KLHL29: variants seen among roughly 807,000 people sequenced by gnomAD.
KLHL29 encodes the protein kelch like family member 29, also known as kelch-like protein 29.
A neutral mutation model predicts 80.4 loss-of-function variants in KLHL29; 21 were observed. The ratio of observed to expected loss-of-function variants is 0.26; its 90% CI spans 0.19 to 0.38. The LOEUF (loss-of-function observed/expected upper bound fraction) is 0.38, where lower values mean the gene tolerates loss of function less well. Among genes scored for constraint, KLHL29 ranks in the 10% least tolerant of loss-of-function variants. The pLI, the probability that KLHL29 is intolerant of heterozygous loss-of-function variation, is 1.00. For synonymous variants in KLHL29, 511 were observed against 526.8 expected, an observed-to-expected ratio of 0.97 and a Z score of 0.41; for missense variants, 867 against 1,223.9, an observed-to-expected ratio of 0.71 and a Z score of 4.35.
rs1186624082 is a variant in KLHL29 at position 23,642,510 on chromosome 2, G to A, written c.600G>A (p.Met200Ile). ...ACGTGGGGCCCCAGCTCCCGCTGAT[G>A]CCAGGCCACTACTCGCTCCCTCAGC... ...PPHVGPQLPL[M>I]PGHYSLPQPP... is the part of the protein sequence containing the mutation. The change falls in exon 5 of 14, where the codon ATG (methionine) becomes ATA (isoleucine). Residue 200 changes from methionine to isoleucine, a missense_variant. By Grantham distance (10) the Met-to-Ile change is conservative. Around this residue, in one of 2 missense-constraint regions of KLHL29, gnomAD observed 424 missense variants for 456.9 expected, o/e 0.93. Transcript: ENST00000486442. 1 of 1,526,802 alleles carries A rather than the reference G, an allele frequency of 6.5e-7. No individual in the cohort carries two copies. Among genetic ancestry groups the A allele is most frequent in the Non-Finnish European group, 8.8e-7 (1 of 1,130,144 alleles). 94.6% of individuals were successfully genotyped at this position (1,526,802 alleles called of 1,614,324 possible).
intron 1 of KLHL29, among the ~76,000 whole-genome samples, chr2:23,398,664 A>G (rs1329423709): frequency 1.3e-5 from 2 of 152,242 alleles, no homozygotes; most frequent in African/African-American, 2.4e-5. Flanking sequence ...CCCTTGGGCC[A>G]TGTCTCTTTC....
rs201063077 is a variant in KLHL29, at chr2:23,597,402, TATATA to T, written c.285+34922_285+34926del. Among the ~76,000 whole-genome samples the T allele has an allele frequency of 2.2e-3, 119 of 55,266 alleles. 3 individuals are homozygous for T. The highest frequency in any genetic ancestry group is 3.9e-3 in the East Asian group (8 of 2,054). 36.3% of individuals were successfully genotyped at this position (55,266 alleles called of 152,430 possible). On this transcript the variant is annotated intron_variant, in intron 3 of 13. Coordinates refer to ENST00000486442, the MANE Select transcript of KLHL29 (RefSeq NM_052920.2). ...GTGTGTGTATATATATATATATATA[TATATA>T]TTTTTTTTTTTTTTTTTTTTTTTTT...
intron 2 of KLHL29, among the ~76,000 whole-genome samples, chr2:23,476,413 C>T (rs1664643174): frequency 6.6e-6 from 1 of 152,084 alleles, no homozygotes; most frequent in African/African-American, 2.4e-5. Flanking sequence ...TAATCCTGTT[C>T]CCCAGAGATA....
intron 1 of KLHL29, among the ~76,000 whole-genome samples, chr2:23,472,750 G>A (rs1021092561): frequency 1.3e-5 from 2 of 152,100 alleles, no homozygotes; most frequent in African/African-American, 2.4e-5. Context: ...TTGAATGTTG[G>A]CCTAAAAAGA....
At chr2:23,466,848 T>C (rs1439110533) in intron 1 of KLHL29, among the ~76,000 whole-genome samples, 2 of 152,230 alleles carry the variant, frequency 1.3e-5, no homozygotes, top group South Asian at 4.1e-4. Flanking sequence ...CAGGACTTTC[T>C]GCAGGAAGGA....
chr2:23,554,461 A>G (rs945351581), intron 2 of KLHL29, among the ~76,000 whole-genome samples: 2 of 152,114 alleles, frequency 1.3e-5, no homozygotes, highest in African/African-American at 4.8e-5. Context: ...TGGATTAATC[A>G]TGCCTTCGGG....
At chr2:23,601,963 G>A (rs1668582102) in intron 3 of KLHL29, among the ~76,000 whole-genome samples, 2 of 152,208 alleles carry the variant, frequency 1.3e-5, no homozygotes, top group Non-Finnish European at 2.9e-5. Context: ...CACTCTTGGG[G>A]CTCTGGAGCC....
intron 2 of KLHL29, among the ~76,000 whole-genome samples, chr2:23,481,115 A>C (rs1290834832): frequency 6.6e-6 from 1 of 152,244 alleles, no homozygotes; most frequent in Non-Finnish European, 1.5e-5. Context: ...CCCAGGCTAC[A>C]TACCAGATCT....
At position 23,696,768 on chromosome 2, in the gene KLHL29, C is replaced by A; in HGVS notation, c.2105+255C>A. 1 of 398,600 alleles carries A rather than the reference C, an allele frequency of 2.5e-6. No individual in the cohort carries two copies. The allele number at this position is 398,600 out of a possible 1,614,324, so 24.7% of individuals were successfully genotyped here. On this transcript the variant is annotated intron_variant, in intron 11 of 13. Coordinates refer to ENST00000486442, the MANE Select transcript of KLHL29 (RefSeq NM_052920.2). The surrounding 1 kb of genome is among the most constrained non-coding windows in gnomAD (Gnocchi z 5.5). ...GATGGGGCGCTTCTGTCCCGACAAC[C>A]CATTTAGGTGTCAGACAAGCTGGAG...
At chr2:23,557,252 C>G (rs928788866) in intron 2 of KLHL29, among the ~76,000 whole-genome samples, 7 of 152,242 alleles carry the variant, frequency 4.6e-5, no homozygotes, top group Admixed American at 1.3e-4. Flanking sequence ...TTGTGACACA[C>G]TGGCTCGGTG....
At chr2:23,676,163 G>A (rs1670914138) in intron 5 of KLHL29, among the ~76,000 whole-genome samples, 1 of 152,016 alleles carries the variant, frequency 6.6e-6, no homozygotes, top group Non-Finnish European at 1.5e-5. Flanking sequence ...GAATCTGTAA[G>A]AATTTTTGGA....
intron 2 of KLHL29, among the ~76,000 whole-genome samples, chr2:23,521,926 T>TAA (rs1666117830): frequency 6.6e-6 from 1 of 152,234 alleles, no homozygotes; most frequent in African/African-American, 2.4e-5. Context: ...TCACTATGCT[T>TAA]ACTAAGTTTG....
chr2:23,516,116 T>C (rs1468634018), intron 2 of KLHL29, among the ~76,000 whole-genome samples: 1 of 152,182 alleles, frequency 6.6e-6, no homozygotes, highest in Non-Finnish European at 1.5e-5. Flanking sequence ...GCTCCAGGAC[T>C]TGAGTTTCAG....
rs553438190 is a variant in KLHL29 at position 23,457,538 on chromosome 2, T to C, written c.-153-18022T>C. On this transcript the variant is annotated intron_variant, in intron 1 of 13. Transcript: ENST00000486442. This position sits in a 1 kb window ranked among gnomAD's most constrained non-coding sequence, Gnocchi z 4.3. ...ACCCGTCACCTTGTGTTCCCCGAGG[T>C]GGGGGTGCCTCTGGAATTCCCTGTT... Among the ~76,000 whole-genome samples the C allele has an allele frequency of 6.6e-6, 1 of 152,014 alleles. No individual in the cohort carries two copies. The highest frequency in any genetic ancestry group is 1.5e-5 in the Non-Finnish European group (1 of 68,002).
intron 6 of KLHL29, among the ~76,000 whole-genome samples, chr2:23,685,766 G>A (rs928286568): frequency 6.6e-6 from 1 of 152,204 alleles, no homozygotes; most frequent in Non-Finnish European, 1.5e-5. Flanking sequence ...GGGGTGAAGG[G>A]ACATGTCTAG....
rs867471937 is a variant in KLHL29 at position 23,695,773 on chromosome 2, G to A, written c.1693G>A (p.Ala565Thr). ...CAAACGCTACCATATGCTGCCCCAC[G>A]CCCGCCAGGAGATGCAGACGCCCCG... ...EAKRYHMLPHARQEMQTPRTR... is the reference protein window; with the variant it reads ...EAKRYHMLPHTRQEMQTPRTR... Residue 565 changes from alanine (A) to threonine (T), a missense_variant, in exon 9 of 14, where the codon GCC (alanine) becomes ACC (threonine). By Grantham distance (58) the Ala-to-Thr change is moderately conservative (BLOSUM62 0). Transcript: ENST00000486442. This position sits in a 1 kb window ranked among gnomAD's most constrained non-coding sequence, Gnocchi z 7.6. 6 of 1,551,100 alleles carry A rather than the reference G, an allele frequency of 3.9e-6. No individual in the cohort carries two copies. Among genetic ancestry groups the A allele is most frequent in the East Asian group, 2.4e-5 (1 of 40,932 alleles).
intron 2 of KLHL29, among the ~76,000 whole-genome samples, chr2:23,522,781 T>G (rs1343700208): frequency 6.6e-6 from 1 of 152,048 alleles, no homozygotes; most frequent in East Asian, 1.9e-4. Flanking sequence ...GTGGCAACTC[T>G]CTCTAAAGCC....
At chr2:23,629,094 A>G (rs905036722) in intron 3 of KLHL29, among the ~76,000 whole-genome samples, 6 of 152,340 alleles carry the variant, frequency 3.9e-5, no homozygotes, top group East Asian at 3.9e-4. Flanking sequence ...GCCTCTGAGC[A>G]GGACGGGCCG....
intron 1 of KLHL29, among the ~76,000 whole-genome samples, chr2:23,440,118 A>T (rs1032310056): frequency 6.6e-6 from 1 of 152,094 alleles, no homozygotes; most frequent in Non-Finnish European, 1.5e-5. Flanking sequence ...GTTTTATCAG[A>T]GACTAGGATT....
Sources: gnomAD v4.1 joint callset for allele counts (sites outside exome capture counted in the v4.1 genomes callset) on GRCh38, gnomAD v4.1.1 for gene constraint, gnomAD v4.1.1 regional missense constraint, Gnocchi (gnomAD v3.1) non-coding constraint, MANE v1.5 for transcripts, NCBI Gene and HGNC (gene_info 2026-07-23, HGNC 2026-07-21) for gene names.